The following RIC1 variants were observed in gnomAD, a reference collection of about 807,000 sequenced individuals.
RIC1 encodes guanine nucleotide exchange factor subunit RIC1.
In RIC1, 88 loss-of-function variants were observed where a neutral mutation model predicts 169.0. That is an observed-to-expected ratio of 0.52 (90% CI 0.44 to 0.62). The LOEUF (loss-of-function observed/expected upper bound fraction) is 0.62, where lower values mean the gene tolerates loss of function less well. Among genes scored for constraint, RIC1 ranks in the 20% least tolerant of loss-of-function variants. The pLI is 0.00. For missense variants in RIC1, 1,877 were observed against 1,725.5 expected (o/e 1.09, Z -1.56); for synonymous variants, 790 against 601.5 (o/e 1.31, Z -4.59).
rs557039502 is a variant in RIC1, at chr9:5,698,196, A to C, written c.332+8158A>C. 6.6e-5 allele frequency among the ~76,000 whole-genome samples: 10 copies of C among 152,324 alleles called. No homozygotes were observed. In the South Asian group the frequency reaches 2.1e-3, roughly 32 times the overall value. ...GAAATGGCTGTTGAATTTGTGAATC[A>C]GTTTTCTGTATCACCTGATCTAGCC... On this transcript the variant is annotated intron_variant, in intron 3 of 25. Transcript: ENST00000414202.
At chr9:5,701,509 T>C (rs549701393) in intron 3 of RIC1, among the ~76,000 whole-genome samples, 2 of 151,918 alleles carry the variant, frequency 1.3e-5, no homozygotes, top group Admixed American at 1.3e-4. Context: ...TGAAGCAAAT[T>C]GCTTGAACTG....
At chr9:5,730,449 T>C (rs1824299289) in intron 6 of RIC1, among the ~76,000 whole-genome samples, 1 of 152,052 alleles carries the variant, frequency 6.6e-6, no homozygotes, top group Non-Finnish European at 1.5e-5. Flanking sequence ...AAAAAACAGC[T>C]AGACACAAAG....
At chr9:5,672,227 C>T (rs1278815432) in intron 2 of RIC1, among the ~76,000 whole-genome samples, 2 of 152,082 alleles carry the variant, frequency 1.3e-5, no homozygotes, top group Non-Finnish European at 2.9e-5. Flanking sequence ...CTACAGGTGG[C>T]TAATGGAACA....
Position 5,645,450 on chromosome 9 carries a change from A to G in RIC1, c.145-11133A>G, listed in dbSNP as rs556470062. ...TACTTCGCAAAGTTCTGCAGCATTA[A>G]GTACATTCACATTATCATGTAACCA... On this transcript the variant is annotated intron_variant, in intron 1 of 25. Transcript: ENST00000414202. 1.2e-3 allele frequency among the ~76,000 whole-genome samples: 187 copies of G among 152,392 alleles called. 1 individual carries two copies. The highest frequency in any genetic ancestry group is 2.1e-3 in the Non-Finnish European group (146 of 68,042).
chr9:5,656,586 A>G lies in RIC1; in HGVS notation c.148A>G (p.Ser50Gly), dbSNP rs1819113165. The G allele has an allele frequency of 6.5e-7, 1 of 1,539,218 alleles. No homozygotes were observed. Among genetic ancestry groups the G allele is most frequent in the African/African-American group, 1.4e-5 (1 of 72,340 alleles). ...TTTTTTTTTTTTAATCACACAGCCTAGTGTGTTAATTGTAACCTACAAGGA... is the reference window on the plus strand; with the variant it reads ...TTTTTTTTTTTTAATCACACAGCCTGGTGTGTTAATTGTAACCTACAAGGA... ...ARLSIWYSRP[S>G]VLIVTYKEPA... Residue 50 changes from serine (S) to glycine (G), a missense_variant, in exon 2 of 26, where the codon AGT becomes GGT. Around this residue, in one of 3 missense-constraint regions of RIC1, gnomAD observed 1,104 missense variants for 992.0 expected, o/e 1.11. Transcript: ENST00000414202.
chr9:5,712,947 TA>T (rs1184420743), intron 3 of RIC1: 1 of 152,050 alleles, frequency 6.6e-6, no homozygotes, highest in African/African-American at 2.4e-5. Flanking sequence ...CACAAAACTT[TA>T]TAAGAAAAAT....
chr9:5,654,328 C>G (rs1385723535), intron 1 of RIC1, among the ~76,000 whole-genome samples: 1 of 152,072 alleles, frequency 6.6e-6, no homozygotes, highest in African/African-American at 2.4e-5. Context: ...CTCACTGCAG[C>G]CTCTGCCTCC....
Position 5,763,058 on chromosome 9 carries a change from A to C in RIC1, c.2113-82A>C, listed in dbSNP as rs1226426145. ...AAAATATTATACTATCATTTGAAAG[A>C]CTTAGTAAACTAGTACCTAGGAACT... On this transcript the variant is annotated intron_variant, in intron 18 of 25. Transcript: ENST00000414202. This position sits in a 1 kb window ranked among gnomAD's most constrained non-coding sequence, Gnocchi z 5.2. 1 of 1,473,560 alleles carries C rather than the reference A, an allele frequency of 6.8e-7. No homozygotes were observed. The highest frequency in any genetic ancestry group is 2.3e-5 in the East Asian group (1 of 43,788). The allele number at this position is 1,473,560 out of a possible 1,614,324, so 91.3% of individuals were successfully genotyped here. A position where few individuals can be genotyped will look rare whatever the true frequency, so the allele number is the denominator to read the frequency against.
intron 4 of RIC1, among the ~76,000 whole-genome samples, chr9:5,715,148 T>G (rs1476495969): frequency 3.3e-5 from 5 of 152,326 alleles, no homozygotes; most frequent in South Asian, 4.1e-4. Flanking sequence ...CTCATCGCCT[T>G]GGTCACAAGG....
At chr9:5,638,485 C>G (rs1368511542) in intron 1 of RIC1, among the ~76,000 whole-genome samples, 1 of 152,130 alleles carries the variant, frequency 6.6e-6, no homozygotes, top group Non-Finnish European at 1.5e-5. Context: ...CTTTTCTTTA[C>G]TGGGAGACTT....
chr9:5,672,837 G>C (rs1191314999), intron 2 of RIC1, among the ~76,000 whole-genome samples: 2 of 152,044 alleles, frequency 1.3e-5, no homozygotes, highest in Non-Finnish European at 2.9e-5. Context: ...CAGAGAAAAG[G>C]GAAAGAGAAT....
intron 2 of RIC1, among the ~76,000 whole-genome samples, chr9:5,686,321 T>G (rs1387923886): frequency 6.6e-6 from 1 of 152,074 alleles, no homozygotes; most frequent in African/African-American, 2.4e-5. Flanking sequence ...TAAAGACACA[T>G]GCACACGTAT....
chr9:5,641,158 C>G (rs1818219623), intron 1 of RIC1, among the ~76,000 whole-genome samples: 2 of 150,460 alleles, frequency 1.3e-5, no homozygotes, highest in Admixed American at 1.3e-4. Flanking sequence ...GTGGTGCCAT[C>G]TCAGCTCACT....
At chr9:5,759,564 A>T (rs1021891334) in intron 17 of RIC1, among the ~76,000 whole-genome samples, 12 of 152,242 alleles carry the variant, frequency 7.9e-5, no homozygotes, top group Admixed American at 7.2e-4. Flanking sequence ...TTGTATCTTC[A>T]TTCAAATCAG....
intron 3 of RIC1, among the ~76,000 whole-genome samples, chr9:5,704,803 GC>G (rs779543848): frequency 4.6e-5 from 7 of 151,866 alleles, no homozygotes; most frequent in South Asian, 2.1e-4. Flanking sequence ...AATAGTTTTA[GC>G]TCTTATATTT....
chr9:5,710,743 A>G (rs7858848), intron 3 of RIC1, among the ~76,000 whole-genome samples: 17,809 of 152,210 alleles, frequency 0.12, 2,646 homozygotes, highest in African/African-American at 0.35. Flanking sequence ...GATTTTGGCT[A>G]ATCAAACAAG....
intron 1 of RIC1, among the ~76,000 whole-genome samples, chr9:5,652,694 CT>C (rs530994997): frequency 2.7e-4 from 40 of 148,992 alleles, no homozygotes; most frequent in African/African-American, 6.1e-4. Context: ...ACTTTTTATT[CT>C]TTTTTTTTTC....
chr9:5,715,427 T>C (rs1823173685), intron 4 of RIC1, among the ~76,000 whole-genome samples: 1 of 152,224 alleles, frequency 6.6e-6, no homozygotes, highest in Non-Finnish European at 1.5e-5. Context: ...TTTAGGTGGT[T>C]GGAAATCTGT....
intron 2 of RIC1, among the ~76,000 whole-genome samples, chr9:5,669,217 T>C (rs1380750230): frequency 1.3e-5 from 2 of 152,208 alleles, no homozygotes; most frequent in East Asian, 3.8e-4. Context: ...GGGGAGATTT[T>C]GGTGCACCCA....
Sources: gnomAD v4.1 joint callset for allele counts (sites outside exome capture counted in the v4.1 genomes callset) on GRCh38, gnomAD v4.1.1 for gene constraint, gnomAD v4.1.1 regional missense constraint, Gnocchi (gnomAD v3.1) non-coding constraint, MANE v1.5 for transcripts, NCBI Gene and HGNC (gene_info 2026-07-23, HGNC 2026-07-21) for gene names.